The following SLC4A4 variants were observed in gnomAD, a reference collection of about 807,000 sequenced individuals.
The protein encoded by SLC4A4 is solute carrier family 4 member 4.
Under a neutral mutation model 111.5 loss-of-function variants are expected in SLC4A4, and 27 were observed. That is an observed-to-expected ratio of 0.24 (90% CI 0.18 to 0.33). SLC4A4 has a LOEUF of 0.33. SLC4A4 is among the 10% of genes least tolerant of loss of function. The probability of loss-of-function intolerance (pLI) is 1.00; values close to 1 mark genes in which losing one functional copy is unlikely to be tolerated. For missense variants in SLC4A4, 909 were observed against 1,315.5 expected (o/e 0.69, Z 4.78); for synonymous variants, 443 against 463.4 (o/e 0.96, Z 0.57).
chr4:71,549,516 A>C (rs1735809781), intron 20 of SLC4A4, among the ~76,000 whole-genome samples: 1 of 151,928 alleles, frequency 6.6e-6, no homozygotes, highest in Non-Finnish European at 1.5e-5. Flanking sequence ...ATAAATGGGC[A>C]GAATCTTTTC....
intron 5 of SLC4A4, among the ~76,000 whole-genome samples, chr4:71,352,132 C>A (rs528898916): frequency 7.2e-5 from 11 of 152,134 alleles, no homozygotes; most frequent in African/African-American, 2.7e-4. Context: ...AGATTGTTAT[C>A]CAGAAAAGTA....
intron 2 of SLC4A4, among the ~76,000 whole-genome samples, chr4:71,121,216 TC>T (rs1002620055): frequency 7.2e-6 from 1 of 139,548 alleles, no homozygotes. Flanking sequence ...CCCGCTTCCC[TC>T]CCCCCTCCCC....
chr4:71,083,868 G>C (rs896835697), intron 1 of SLC4A4, among the ~76,000 whole-genome samples: 1 of 147,496 alleles, frequency 6.8e-6, no homozygotes, highest in South Asian at 2.1e-4. Context: ...TATAGAACTT[G>C]TAGTGCATTG....
At chr4:71,114,751 G>A (rs1223718777) in intron 2 of SLC4A4, among the ~76,000 whole-genome samples, 1 of 136,342 alleles carries the variant, frequency 7.3e-6, no homozygotes, top group East Asian at 2.1e-4. Flanking sequence ...CTGTAAACTA[G>A]TTCAACCATT....
chr4:71,245,777 C>T (rs1720613779), intron 2 of SLC4A4, among the ~76,000 whole-genome samples: 1 of 151,858 alleles, frequency 6.6e-6, no homozygotes. Flanking sequence ...ATGATATTGC[C>T]CAGGGTCAAA....
intron 16 of SLC4A4, among the ~76,000 whole-genome samples, chr4:71,505,852 T>G (rs551708787): frequency 1.1e-4 from 17 of 152,260 alleles, no homozygotes; most frequent in Admixed American, 9.2e-4. Flanking sequence ...TAATCCATCT[T>G]GAGTTAATTT....
chr4:71,401,673 G>C (rs1292036772), intron 7 of SLC4A4, among the ~76,000 whole-genome samples: 1 of 152,136 alleles, frequency 6.6e-6, no homozygotes, highest in Non-Finnish European at 1.5e-5. Flanking sequence ...TCAGCTATGA[G>C]GATAAGAAAG....
At chr4:71,471,631 T>G (rs986889898) in intron 13 of SLC4A4, among the ~76,000 whole-genome samples, 8 of 151,966 alleles carry the variant, frequency 5.3e-5, no homozygotes, top group Non-Finnish European at 1.2e-4. Flanking sequence ...ACTACCCGCT[T>G]TTTCGTCACA....
chr4:71,405,834 C>CAG (rs1720791387), intron 7 of SLC4A4, among the ~76,000 whole-genome samples: 1 of 152,104 alleles, frequency 6.6e-6, no homozygotes, highest in African/African-American at 2.4e-5. Context: ...GGCTTTTTGT[C>CAG]AGAAGCTTAA....
At chr4:71,330,136 A>G (rs1349048593) in intron 3 of SLC4A4, among the ~76,000 whole-genome samples, 2 of 152,184 alleles carry the variant, frequency 1.3e-5, no homozygotes, top group Non-Finnish European at 2.9e-5. Flanking sequence ...ATATTGAACT[A>G]TTCTTGCATC....
At chr4:71,516,705 A>G (rs1578093862) in intron 16 of SLC4A4, among the ~76,000 whole-genome samples, 1 of 151,272 alleles carries the variant, frequency 6.6e-6, no homozygotes, top group African/African-American at 2.4e-5. Flanking sequence ...GCAATATGGA[A>G]CCCCTCTAGT....
At chr4:71,526,878 T>A (rs1258863977) in intron 16 of SLC4A4, among the ~76,000 whole-genome samples, 1 of 152,104 alleles carries the variant, frequency 6.6e-6, no homozygotes, top group Non-Finnish European at 1.5e-5. Context: ...TTCAACTTTA[T>A]AGCCAGCAGT....
chr4:71,118,825 G>A (rs2148955316), intron 2 of SLC4A4, among the ~76,000 whole-genome samples: 1 of 152,268 alleles, frequency 6.6e-6, no homozygotes, highest in Middle Eastern at 3.4e-3. Flanking sequence ...GCTTTATATT[G>A]TAATTTGGTT....
At position 71,094,014 on chromosome 4, in the gene SLC4A4, C is replaced by G. The variant is rs183069731; in HGVS notation, c.-2+1222C>G. Among the ~76,000 whole-genome samples the G allele has an allele frequency of 8.8e-3, 1,320 of 149,500 alleles. 20 individuals carry two copies. Among genetic ancestry groups the G allele is most frequent in the African/African-American group, 0.032 (1,264 of 40,026 alleles). ...TGTTGGCACCAGATTATCAGCCAGACTGTTAAAAAAAAAAGTGCTAGGGGC... is the reference window on the plus strand; with the variant it reads ...TGTTGGCACCAGATTATCAGCCAGAGTGTTAAAAAAAAAAGTGCTAGGGGC... On this transcript the variant is annotated intron_variant, in intron 2 of 26. Coordinates refer to the SLC4A4 transcript ENST00000649996.
At chr4:71,119,220 T>A (rs1270819972) in intron 2 of SLC4A4, among the ~76,000 whole-genome samples, 1 of 152,170 alleles carries the variant, frequency 6.6e-6, no homozygotes, top group Non-Finnish European at 1.5e-5. Context: ...AAAGTTGCCC[T>A]AAAACATAGT....
At chr4:71,152,506 G>A (rs958123353) in intron 2 of SLC4A4, among the ~76,000 whole-genome samples, 6 of 152,074 alleles carry the variant, frequency 3.9e-5, no homozygotes, top group African/African-American at 7.2e-5. Context: ...GTAGCTCATC[G>A]TTTTCATATC....
intron 3 of SLC4A4, among the ~76,000 whole-genome samples, chr4:71,305,450 C>G (rs986989917): frequency 1.4e-4 from 21 of 152,260 alleles, no homozygotes; most frequent in African/African-American, 4.3e-4. Flanking sequence ...AAGGGTTTAG[C>G]ATGTTAAATG....
At chr4:71,421,043 A>G (rs1722421464) in intron 7 of SLC4A4, among the ~76,000 whole-genome samples, 1 of 148,582 alleles carries the variant, frequency 6.7e-6, no homozygotes, top group Non-Finnish European at 1.5e-5. Flanking sequence ...AGACTGGCAA[A>G]TTGGATAAAG....
intron 2 of SLC4A4, among the ~76,000 whole-genome samples, chr4:71,096,397 A>G (rs1742551827): frequency 6.6e-6 from 1 of 152,184 alleles, no homozygotes; most frequent in Non-Finnish European, 1.5e-5. Flanking sequence ...GCAGAGAAGC[A>G]CTGCAAAGAA....
Sources: gnomAD v4.1 joint callset for allele counts (sites outside exome capture counted in the v4.1 genomes callset) on GRCh38, gnomAD v4.1.1 for gene constraint, MANE v1.5 for transcripts, NCBI Gene and HGNC (gene_info 2026-07-23, HGNC 2026-07-21) for gene names.